Variants in MAP1LC3A observed in about 807,000 individuals in gnomAD.
MAP1LC3A encodes the protein microtubule associated protein 1 light chain 3 alpha, also known as microtubule-associated protein 1 light chain 3 alpha.
A neutral mutation model predicts 15.2 loss-of-function variants in MAP1LC3A; 10 were observed. The ratio of observed to expected loss-of-function variants is 0.66; its 90% CI spans 0.41 to 1.12. MAP1LC3A has a LOEUF of 1.12. Among genes scored for constraint, MAP1LC3A ranks in the 50% most tolerant of loss-of-function variants. MAP1LC3A has a pLI of 0.00. For synonymous variants in MAP1LC3A, 63 were observed against 64.3 expected (o/e 0.98, Z 0.10); for missense variants, 138 against 167.3 (o/e 0.82, Z 0.97).
upstream of MAP1LC3A, among the ~76,000 whole-genome samples, chr20:34,557,910 A>C (rs946234100): frequency 6.6e-5 from 10 of 152,024 alleles, no homozygotes; most frequent in Non-Finnish European, 1.2e-4. Flanking sequence ...GCCTGGCGAC[A>C]GAACGAGACT....
Position 34,559,829 on chromosome 20 carries a change from C to G in MAP1LC3A, c.297C>G (p.Tyr99Ter). Residue 99 changes from tyrosine to a stop codon, truncating the protein, a stop_gained, in exon 4 of 4, where the codon TAC becomes TAG. Transcript: ENST00000360668. LOFTEE classifies it high-confidence loss of function. ...VSVSTPIADI[Y>*]EQEKDEDGFL... ...TGTCCACGCCCATCGCGGACATCTA[C>G]GAGCAGGAGAAAGACGAGGACGGCT... is the stretch of plus-strand genomic sequence containing the variant. 1 of 1,613,988 alleles carries G rather than the reference C, an allele frequency of 6.2e-7. No homozygotes were observed. Among genetic ancestry groups the G allele is most frequent in the Non-Finnish European group, 8.5e-7 (1 of 1,179,990 alleles).
upstream of MAP1LC3A, among the ~76,000 whole-genome samples, chr20:34,556,300 T>C (rs913408878): frequency 1.6e-4 from 25 of 152,256 alleles, no homozygotes; most frequent in African/African-American, 5.8e-4. Flanking sequence ...ACTGATTTGA[T>C]ATCTGTTGAG....
intron 3 of MAP1LC3A, 138 bp downstream of exon 3, chr20:34,559,591 G>T: frequency 2.4e-6 from 3 of 1,235,406 alleles, no homozygotes; most frequent in East Asian, 2.4e-5. Context: ...GAAAGGTCAA[G>T]GTCGGGGCTG....
At chr20:34,551,798 T>C (rs1476662329) in intron 2 of MAP1LC3A, among the ~76,000 whole-genome samples, 2 of 151,826 alleles carry the variant, frequency 1.3e-5, no homozygotes, top group Non-Finnish European at 2.9e-5. Flanking sequence ...TGGGTCACAT[T>C]AGTGAGTGTA....
chr20:34,559,074 C>A, intron 1 of MAP1LC3A, 134 bp from the exon 2 acceptor site: 1 of 1,342,688 alleles, frequency 7.4e-7, no homozygotes, highest in Non-Finnish European at 9.6e-7. Flanking sequence ...CGATAGGTGC[C>A]AGGGGCTGTG....
At chr20:34,559,319 A>G in intron 2 of MAP1LC3A, 28 bp from the exon 3 acceptor site, 1 of 1,434,010 alleles carries the variant, frequency 7.0e-7, no homozygotes, top group Non-Finnish European at 9.6e-7. Flanking sequence ...TCCCGACACG[A>G]CCCCCTGCCC....
intron 1 of MAP1LC3A, among the ~76,000 whole-genome samples, chr20:34,547,418 T>A (rs1040916267): frequency 2.5e-5 from 3 of 121,480 alleles, no homozygotes; most frequent in African/African-American, 6.3e-5. Context: ...GCTCCCCACC[T>A]TTTTTTTTTT....
intron 1 of MAP1LC3A, among the ~76,000 whole-genome samples, chr20:34,547,926 T>G (rs932071129): frequency 3.9e-5 from 6 of 152,144 alleles, no homozygotes; most frequent in African/African-American, 1.4e-4. Flanking sequence ...GGGCTGATTG[T>G]TCAGATAGGC....
At chr20:34,554,371 T>G (rs988658883), upstream of MAP1LC3A, among the ~76,000 whole-genome samples, 13 of 37,456 alleles carry the variant, frequency 3.5e-4, no homozygotes, top group African/African-American at 1.1e-3. Context: ...TTTTTTTTTT[T>G]TTTTTTTTTT....
chr20:34,555,419 A>G (rs1418043018), upstream of MAP1LC3A, among the ~76,000 whole-genome samples: 2 of 152,126 alleles, frequency 1.3e-5, no homozygotes, highest in African/African-American at 2.4e-5. Flanking sequence ...TGTTGGGATT[A>G]CAGGCGTGAG....
chr20:34,552,066 C>T (rs1299468242), intron 2 of MAP1LC3A, among the ~76,000 whole-genome samples: 1 of 151,990 alleles, frequency 6.6e-6, no homozygotes, highest in Non-Finnish European at 1.5e-5. Context: ...TGTGCGATCT[C>T]GGCTCACTGC....
chr20:34,552,577 C>T lies in MAP1LC3A; in HGVS notation c.52+2548C>T, dbSNP rs116359168. Among the ~76,000 whole-genome samples, 1,228 of 152,334 alleles carry T rather than the reference C, an allele frequency of 8.1e-3. 19 individuals carry two copies. The highest frequency in any genetic ancestry group is 0.028 in the African/African-American group (1,178 of 41,556). ...AGAGGAGTAGCGGGGAGGCAGATCCCACGGCCTCCTGGGCCACCATCCATC... is the reference window on the plus strand; with the variant it reads ...AGAGGAGTAGCGGGGAGGCAGATCCTACGGCCTCCTGGGCCACCATCCATC... On this transcript the variant is annotated intron_variant, in intron 2 of 4. Transcript: ENST00000374837.
At chr20:34,558,211 A>G (rs1982231942), upstream of MAP1LC3A, 14 of 977,552 alleles carry the variant, frequency 1.4e-5, no homozygotes, top group Non-Finnish European at 1.6e-5. This position sits in a 1 kb window ranked among gnomAD's most constrained non-coding sequence, Gnocchi z 4.3. Context: ...ATCCTCTGAG[A>G]CCTGAATTTC....
At chr20:34,547,662 T>C (rs1258537531) in intron 1 of MAP1LC3A, among the ~76,000 whole-genome samples, 1 of 152,136 alleles carries the variant, frequency 6.6e-6, no homozygotes, top group East Asian at 1.9e-4. Flanking sequence ...TCCTGTCGCC[T>C]AGCGAAGAAG....
upstream of MAP1LC3A, among the ~76,000 whole-genome samples, chr20:34,555,148 T>C (rs1411321220): frequency 1.4e-5 from 2 of 140,436 alleles, no homozygotes; most frequent in African/African-American, 5.1e-5. Context: ...AATTTTCTTA[T>C]TTTTTTTTTT....
intron 2 of MAP1LC3A, among the ~76,000 whole-genome samples, chr20:34,551,631 A>G (rs959054563): frequency 4.6e-5 from 7 of 151,908 alleles, no homozygotes; most frequent in African/African-American, 1.7e-4. Context: ...ACGCCTGGCT[A>G]ATTTTTTCTA....
At chr20:34,557,731 C>T (rs1982211149), upstream of MAP1LC3A, among the ~76,000 whole-genome samples, 1 of 152,148 alleles carries the variant, frequency 6.6e-6, no homozygotes, top group Non-Finnish European at 1.5e-5. Flanking sequence ...TCGAGACCAT[C>T]CTGGCCAACA....
chr20:34,547,950 C>T (rs1471363228), intron 1 of MAP1LC3A, among the ~76,000 whole-genome samples: 4 of 152,110 alleles, frequency 2.6e-5, no homozygotes, highest in Non-Finnish European at 5.9e-5. Context: ...GGTCAGTGTG[C>T]TCGGCCTTGC....
At chr20:34,557,567 C>A (rs1003796457), upstream of MAP1LC3A, among the ~76,000 whole-genome samples, 1 of 152,200 alleles carries the variant, frequency 6.6e-6, no homozygotes, top group African/African-American at 2.4e-5. Flanking sequence ...AATTTGCTCA[C>A]CATTTTTCCA....
Sources: gnomAD v4.1 joint callset for allele counts (sites outside exome capture counted in the v4.1 genomes callset) on GRCh38, gnomAD v4.1.1 for gene constraint, Gnocchi (gnomAD v3.1) non-coding constraint, MANE v1.5 for transcripts, NCBI Gene and HGNC (gene_info 2026-07-23, HGNC 2026-07-21) for gene names.